The following OTOGL variants were observed in gnomAD, a reference collection of about 807,000 sequenced individuals.
OTOGL encodes the protein otogelin like, also known as otogelin-like protein.
OTOGL carries 285 observed loss-of-function variants against 318.5 expected under a neutral mutation model. The observed-to-expected ratio is 0.89, with a 90% CI of 0.81 to 0.99. The LOEUF is 0.99. Ranked by LOEUF, OTOGL falls within the 50% of genes least tolerant of loss-of-function variation. The pLI, the probability that OTOGL is intolerant of heterozygous loss-of-function variation, is 0.00. For missense variants in OTOGL, 2,899 were observed against 2,845.6 expected (o/e 1.02, Z -0.43); for synonymous variants, 987 against 936.5 (o/e 1.05, Z -0.99).
intron 13 of OTOGL, 94 bp downstream of exon 13, chr12:80,252,295 T>C (rs1290035147): frequency 1.2e-5 from 15 of 1,301,228 alleles, no homozygotes; most frequent in Middle Eastern, 2.0e-4. Context: ...CCTTTCCCAG[T>C]ACATTGGACC....
chr12:80,292,381 T>A (rs1885102225), intron 26 of OTOGL, among the ~76,000 whole-genome samples: 1 of 152,236 alleles, frequency 6.6e-6, no homozygotes, highest in South Asian at 2.1e-4. Context: ...TTCTGTTAGT[T>A]CAGTCCCATG....
rs139115318 is a variant in OTOGL, at chr12:80,367,609, G to A, written c.6380G>A (p.Gly2127Glu). ...VFQEVSVLNP[G>E]QSMIKYLEED... ...CAAGAAGTATCAGTATTGAATCCTG[G>A]ACAATCCATGATAAAGTATTTGGAA... Residue 2127 changes from glycine to glutamate, a missense_variant, in exon 54 of 59, where the codon GGA (glycine) becomes GAA (glutamate). Transcript: ENST00000547103. The A allele has an allele frequency of 5.2e-6, 8 of 1,545,712 alleles. No homozygotes were observed. In the South Asian group the frequency reaches 9.5e-5, roughly 18 times the overall value.
chr12:80,100,472 A>C (rs1030146878), intron 1 of OTOGL, among the ~76,000 whole-genome samples: 1 of 152,166 alleles, frequency 6.6e-6, no homozygotes, highest in African/African-American at 2.4e-5. Flanking sequence ...ATCCATAATA[A>C]TCAAAAATTA....
At chr12:80,327,847 T>TA (rs1312781629) in intron 35 of OTOGL, among the ~76,000 whole-genome samples, 1 of 149,094 alleles carries the variant, frequency 6.7e-6, no homozygotes, top group Non-Finnish European at 1.5e-5. Context: ...TAGTCCCAGC[T>TA]ACTTGGGAGG....
chr12:80,293,211 G>A (rs369459512), intron 26 of OTOGL, among the ~76,000 whole-genome samples: 6 of 151,628 alleles, frequency 4.0e-5, no homozygotes, highest in South Asian at 2.1e-4. Flanking sequence ...TTTTCTTGCC[G>A]TATACTCAAA....
In OTOGL at chr12:80,262,000, C is replaced by T. The variant is rs775207938; in HGVS notation, c.1921C>T (p.Gln641Ter). The change falls in exon 19 of 59, where the codon CAA (glutamine) becomes TAA (stop). Residue 641 changes from glutamine (Q) to a stop codon, truncating the protein, a stop_gained. Transcript: ENST00000547103. LOFTEE classifies it high-confidence loss of function. Reference sequence around the variant, plus strand: ...ATCAGGCATGATAGAAGGTACACCACAACTTCACGCAAATGCGTGGAGAGT... The same window carrying T: ...ATCAGGCATGATAGAAGGTACACCATAACTTCACGCAAATGCGTGGAGAGT... ...SPSGMIEGTP[Q>*]LHANAWRVSS... is the part of the protein sequence containing the mutation. 1 of 1,612,930 alleles carries T rather than the reference C, an allele frequency of 6.2e-7. No homozygotes were observed. Among genetic ancestry groups the T allele is most frequent in the Non-Finnish European group, 8.5e-7 (1 of 1,179,230 alleles).
At chr12:80,285,945 G>C (rs1884588803) in intron 26 of OTOGL, among the ~76,000 whole-genome samples, 1 of 152,104 alleles carries the variant, frequency 6.6e-6, no homozygotes, top group Non-Finnish European at 1.5e-5. Flanking sequence ...TCCTTGTCTT[G>C]TGCCGGTTTT....
intron 1 of OTOGL, among the ~76,000 whole-genome samples, chr12:80,194,881 T>C (rs572859822): frequency 2.2e-4 from 34 of 152,282 alleles, no homozygotes; most frequent in Non-Finnish European, 4.0e-4. Flanking sequence ...GATATTTGAA[T>C]CAGACTAAAA....
chr12:80,162,327 T>C (rs1349475151), intron 1 of OTOGL, among the ~76,000 whole-genome samples: 1 of 152,156 alleles, frequency 6.6e-6, no homozygotes, highest in Non-Finnish European at 1.5e-5. Context: ...ATGGTGACTT[T>C]GTTTATAGGC....
chr12:80,179,311 G>A (rs903493901), intron 1 of OTOGL, among the ~76,000 whole-genome samples: 3 of 152,166 alleles, frequency 2.0e-5, no homozygotes, highest in Non-Finnish European at 2.9e-5. Context: ...CACTCCTGAT[G>A]TTGACTGATG....
At chr12:80,130,203 C>T (rs148281971) in intron 1 of OTOGL, among the ~76,000 whole-genome samples, 1 of 152,138 alleles carries the variant, frequency 6.6e-6, no homozygotes, top group Non-Finnish European at 1.5e-5. Flanking sequence ...TTCCATCATG[C>T]CCTGTGTTTG....
intron 28 of OTOGL, among the ~76,000 whole-genome samples, chr12:80,303,086 C>A (rs1466608007): frequency 6.6e-6 from 1 of 152,176 alleles, no homozygotes; most frequent in Non-Finnish European, 1.5e-5. Context: ...TCAGTTCTTA[C>A]AAACTGCGTT....
intron 1 of OTOGL, among the ~76,000 whole-genome samples, chr12:80,203,616 A>G (rs1876609751): frequency 6.6e-6 from 1 of 152,118 alleles, no homozygotes; most frequent in Non-Finnish European, 1.5e-5. Context: ...AGAGTACCAA[A>G]ATTAAATAAC....
chr12:80,104,986 C>T (rs1417535143), intron 1 of OTOGL, among the ~76,000 whole-genome samples: 1 of 152,042 alleles, frequency 6.6e-6, no homozygotes, highest in Non-Finnish European at 1.5e-5. Context: ...ATCCCAGCTA[C>T]TTGGGAGGCT....
chr12:80,237,034 C>T (rs1317342429), intron 9 of OTOGL, among the ~76,000 whole-genome samples: 1 of 151,880 alleles, frequency 6.6e-6, no homozygotes, highest in Non-Finnish European at 1.5e-5. Context: ...AGGCCAGTCT[C>T]GTACTCCTGG....
chr12:80,244,744 T>C (rs1880715188), intron 11 of OTOGL, among the ~76,000 whole-genome samples: 2 of 148,304 alleles, frequency 1.3e-5, no homozygotes, highest in South Asian at 4.2e-4. Context: ...ATCACCACAA[T>C]GACTTCCACA....
At chr12:80,357,971 A>G (rs886452156) in intron 49 of OTOGL, among the ~76,000 whole-genome samples, 1 of 152,182 alleles carries the variant, frequency 6.6e-6, no homozygotes, top group Non-Finnish European at 1.5e-5. Context: ...TAAACAAGTG[A>G]CATTTTGATT....
At chr12:80,148,347 C>A (rs377649835) in intron 1 of OTOGL, among the ~76,000 whole-genome samples, 47 of 148,620 alleles carry the variant, frequency 3.2e-4, no homozygotes, top group East Asian at 9.9e-4. Context: ...TTCTGGGTTG[C>A]AAATTCTTTT....
Position 80,331,431 on chromosome 12 carries a change from C to T in OTOGL, c.4349-1574C>T, listed in dbSNP as rs372242614. On this transcript the variant is annotated intron_variant, in intron 37 of 58. Coordinates refer to ENST00000547103, the MANE Select transcript of OTOGL (RefSeq NM_001378609.3). ...TCTTGGCTCACTGCAACCTCCAACT[C>T]CCAAGTTCAAGCAACTCTCCTGCCT... Among the ~76,000 whole-genome samples the T allele has an allele frequency of 2.7e-3, 386 of 144,338 alleles. 1 individual carries two copies. Among genetic ancestry groups the T allele is most frequent in the African/African-American group, 9.4e-3 (370 of 39,276 alleles). The allele number at this position is 144,338 out of a possible 152,430, so 94.7% of individuals were successfully genotyped here.
Sources: allele counts gnomAD v4.1 joint callset (sites outside exome capture counted in the v4.1 genomes callset), GRCh38; gene constraint gnomAD v4.1.1; transcripts MANE v1.5; gene names NCBI Gene and HGNC (gene_info 2026-07-23, HGNC 2026-07-21).